Variants in CNTRL observed in about 807,000 individuals in gnomAD.
CNTRL encodes the protein 110 kDa centrosomal protein.
In CNTRL, 233 loss-of-function variants were observed where a neutral mutation model predicts 303.7. The ratio of observed to expected loss-of-function variants is 0.77; its 90% CI spans 0.69 to 0.86. The LOEUF is 0.86. Among genes scored for constraint, CNTRL ranks in the 40% least tolerant of loss-of-function variants. The pLI is 0.00. For missense variants in CNTRL, 2,524 were observed against 2,650.6 expected, an observed-to-expected ratio of 0.95 and a Z score of 1.05; for synonymous variants, 900 against 922.2, an observed-to-expected ratio of 0.98 and a Z score of 0.44.
At chr9:121,140,609 A>G (rs760786991) in intron 16 of CNTRL, 32 bp from the exon 17 acceptor site, 9 of 1,576,484 alleles carry the variant, frequency 5.7e-6, no homozygotes, top group Non-Finnish European at 7.8e-6. Flanking sequence ...CTGGCATGTA[A>G]TAGATAATCC....
chr9:121,127,148 A>T (rs1276587353), intron 14 of CNTRL, among the ~76,000 whole-genome samples: 3 of 152,162 alleles, frequency 2.0e-5, no homozygotes, highest in African/African-American at 7.2e-5. Flanking sequence ...GCACACTGAT[A>T]GATGTAGTTC....
At chr9:121,106,505 G>A (rs903322825) in intron 7 of CNTRL, among the ~76,000 whole-genome samples, 1 of 152,080 alleles carries the variant, frequency 6.6e-6, no homozygotes, top group Non-Finnish European at 1.5e-5. Flanking sequence ...TGCAGGTGTG[G>A]GTAGTTTTGT....
At position 121,088,487 on chromosome 9, in the gene CNTRL, A is replaced by G. The variant is rs1269369473; in HGVS notation, c.161A>G (p.Glu54Gly). ...LPFHSGGQWC[E>G]QVEIADENNM... ...TTTCATTCTGGAGGACAGTGGTGTGAGCAAGTTGAGATTGCAGATGAAAAC... is the reference window on the plus strand; with the variant it reads ...TTTCATTCTGGAGGACAGTGGTGTGGGCAAGTTGAGATTGCAGATGAAAAC... Residue 54 changes from glutamate to glycine, a missense_variant, in exon 3 of 44, where the codon GAG (glutamate) becomes GGG (glycine). By Grantham distance (98) the Glu-to-Gly change is moderately conservative. Coordinates refer to ENST00000373855, the MANE Select transcript of CNTRL (RefSeq NM_007018.6). 2.5e-6 allele frequency: 4 copies of G among 1,613,208 alleles called. No homozygotes were observed. In the South Asian group the frequency reaches 4.4e-5, roughly 18 times the overall value.
chr9:121,110,699 TTA>T (rs925555804), intron 8 of CNTRL, among the ~76,000 whole-genome samples: 2 of 151,334 alleles, frequency 1.3e-5, no homozygotes, highest in African/African-American at 4.9e-5. Flanking sequence ...TGCGTATGTA[TTA>T]TTTTTTTTTA....
intron 2 of CNTRL, among the ~76,000 whole-genome samples, chr9:121,084,546 ATT>A (rs375734045): frequency 2.1e-5 from 3 of 145,432 alleles, no homozygotes; most frequent in African/African-American, 5.1e-5. Flanking sequence ...AGAGGATGTC[ATT>A]TTTTTTTTTT....
chr9:121,132,202 C>T (rs990568432), intron 14 of CNTRL, among the ~76,000 whole-genome samples: 9 of 152,226 alleles, frequency 5.9e-5, no homozygotes, highest in Non-Finnish European at 1.0e-4. Context: ...GGAAGTTCTC[C>T]TGGATAATAT....
intron 7 of CNTRL, 77 bp downstream of exon 7, chr9:121,098,649 C>G (rs1564202066): frequency 2.1e-6 from 2 of 944,284 alleles, no homozygotes. Flanking sequence ...AAATATGTAT[C>G]ATGAACTTTA....
Position 121,124,009 on chromosome 9 carries a change from C to G in CNTRL, c.1729C>G (p.Arg577Gly). ...CAAGCAGTACCAACAACTTGAAAGT[C>G]GTTTGGATGAGATACTTTCTAGAAT... ...MNKQYQQLES[R>G]LDEILSRIAK... The change falls in exon 13 of 44, where the codon CGT becomes GGT. Residue 577 changes from arginine (R) to glycine (G), a missense_variant. Transcript: ENST00000373855. The G allele has an allele frequency of 6.2e-7, 1 of 1,612,036 alleles. No homozygotes were observed. The highest frequency in any genetic ancestry group is 8.5e-7 in the Non-Finnish European group (1 of 1,178,970).
intron 26 of CNTRL, among the ~76,000 whole-genome samples, chr9:121,153,247 C>G (rs188643729): frequency 1.1e-4 from 16 of 152,332 alleles, no homozygotes; most frequent in African/African-American, 3.4e-4. Flanking sequence ...CACTGCAAAT[C>G]TGACTGTTCC....
intron 27 of CNTRL, among the ~76,000 whole-genome samples, chr9:121,155,877 C>G (rs1055201698): frequency 6.6e-6 from 1 of 152,174 alleles, no homozygotes; most frequent in African/African-American, 2.4e-5. Context: ...TCCTTACCCA[C>G]ATGAAACACC....
chr9:121,167,538 C>A lies in CNTRL; in HGVS notation c.5705C>A (p.Thr1902Asn), dbSNP rs775835571. Residue 1902 changes from threonine to asparagine, a missense_variant, in exon 37 of 44, where the codon ACC (threonine) becomes AAC (asparagine). Thr to Asn is a moderately conservative substitution (Grantham distance 65). Transcript: ENST00000373855. ...KHQDVLLSEQ[T>N]RLQKDISEWA... ...CAGGATGTGTTGCTCAGTGAGCAGA[C>A]CCGACTCCAGAAGGACATCAGTGAA... 1 of 1,613,954 alleles carries A rather than the reference C, an allele frequency of 6.2e-7. No homozygotes were observed. The highest frequency in any genetic ancestry group is 1.1e-5 in the South Asian group (1 of 91,078).
At chr9:121,076,245 A>G (rs2047919577) in intron 1 of CNTRL, among the ~76,000 whole-genome samples, 1 of 152,216 alleles carries the variant, frequency 6.6e-6, no homozygotes, top group African/African-American at 2.4e-5. Context: ...CTTAGATTCT[A>G]GCATGGTTCT....
At chr9:121,163,327 A>AT (rs201571073) in intron 34 of CNTRL, among the ~76,000 whole-genome samples, 4,759 of 123,674 alleles carry the variant, frequency 0.038, 102 homozygotes, top group Non-Finnish European at 0.06. Context: ...TTCAAAAAAA[A>AT]AATATATATA....
chr9:121,127,468 C>A (rs2133583272), intron 14 of CNTRL, among the ~76,000 whole-genome samples: 2 of 152,178 alleles, frequency 1.3e-5, no homozygotes, highest in South Asian at 4.2e-4. Flanking sequence ...CTTGCCACAT[C>A]CTTGCCAACG....
intron 8 of CNTRL, 75 bp from the exon 9 acceptor site, chr9:121,112,384 A>C: frequency 7.3e-7 from 1 of 1,376,574 alleles, no homozygotes; most frequent in Non-Finnish European, 1.0e-6. Flanking sequence ...TTACGATGAG[A>C]ACTTACCATA....
Position 121,160,145 on chromosome 9 carries a change from A to C in CNTRL, c.4932A>C (p.Glu1644Asp). Residue 1644 changes from glutamate to aspartate, a missense_variant and splice_region_variant, in exon 32 of 44, where the codon GAA (glutamate) becomes GAC (aspartate). Glu to Asp is a conservative substitution (Grantham distance 45). Coordinates refer to ENST00000373855, the MANE Select transcript of CNTRL (RefSeq NM_007018.6). Reference protein sequence around the residue: ...EVTEKCNHIREVKSLLEELSF... With the variant: ...EVTEKCNHIRDVKSLLEELSF... ...AACTTTTTTTTTTTCAAACACAGGA[A>C]GTAAAATCTCTTCTGGAAGAACTGA... is the stretch of plus-strand genomic sequence containing the variant. 1.4e-6 allele frequency: 2 copies of C among 1,469,624 alleles called. No homozygotes were observed. Among genetic ancestry groups the C allele is most frequent in the Non-Finnish European group, 9.0e-7 (1 of 1,113,920 alleles). 91.0% of individuals were successfully genotyped at this position (1,469,624 alleles called of 1,614,324 possible). A position where few individuals can be genotyped will look rare whatever the true frequency, so the allele number is the denominator to read the frequency against.
chr9:121,159,030 T>C lies in CNTRL; in HGVS notation c.4929+11T>C. On this transcript the variant is annotated intron_variant, in intron 31 of 43. Coordinates refer to ENST00000373855, the MANE Select transcript of CNTRL (RefSeq NM_007018.6). ...TGCAATCACATTAGGGTGTGTTTTT[T>C]ATTAGGGTTTTCTGAAGAGTCGTAG... is the stretch of plus-strand genomic sequence containing the variant. The C allele has an allele frequency of 6.2e-7, 1 of 1,612,462 alleles. No individual in the cohort carries two copies. The highest frequency in any genetic ancestry group is 8.5e-7 in the Non-Finnish European group (1 of 1,179,176).
chr9:121,177,019 T>C, intron 43 of CNTRL, 144 bp from the exon 44 acceptor site: 1 of 670,572 alleles, frequency 1.5e-6, no homozygotes, highest in South Asian at 1.8e-5. Flanking sequence ...TCTCAGAATT[T>C]TGTACACTGG....
intron 42 of CNTRL, among the ~76,000 whole-genome samples, chr9:121,174,336 G>A (rs959675592): frequency 5.9e-5 from 9 of 152,108 alleles, no homozygotes; most frequent in Admixed American, 1.3e-4. Context: ...AGTATTGAGT[G>A]GAGCCCTGTG....
Sources: allele counts gnomAD v4.1 joint callset (sites outside exome capture counted in the v4.1 genomes callset), GRCh38; gene constraint gnomAD v4.1.1; transcripts MANE v1.5; gene names NCBI Gene and HGNC (gene_info 2026-07-23, HGNC 2026-07-21).